Variants in NLK observed in about 807,000 individuals in gnomAD.
NLK encodes serine/threonine-protein kinase NLK.
A neutral mutation model predicts 59.0 loss-of-function variants in NLK; 11 were observed. The observed-to-expected ratio is 0.19, with a 90% CI of 0.12 to 0.31. The LOEUF is 0.31. NLK is among the 10% of genes least tolerant of loss of function. NLK has a pLI of 1.00. For missense variants in NLK, 410 were observed against 661.1 expected (o/e 0.62, Z 4.16); for synonymous variants, 235 against 235.9 (o/e 1.00, Z 0.03).
intron 1 of NLK, among the ~76,000 whole-genome samples, chr17:28,110,946 G>A (rs1905444307): frequency 6.6e-6 from 1 of 150,632 alleles, no homozygotes; most frequent in Non-Finnish European, 1.5e-5. Context: ...CCGGGTTCAC[G>A]CCATTCTCCT....
chr17:28,185,948 T>C (rs1909100274), intron 8 of NLK, among the ~76,000 whole-genome samples: 1 of 152,220 alleles, frequency 6.6e-6, no homozygotes. Context: ...ATACCCTTTC[T>C]GGACTTGACT....
intron 1 of NLK, among the ~76,000 whole-genome samples, chr17:28,060,789 A>G (rs913149784): frequency 4.6e-5 from 7 of 152,244 alleles, no homozygotes; most frequent in Admixed American, 6.5e-5. Context: ...AAACACACAC[A>G]CACTCAAATT....
chr17:28,129,236 C>T (rs746163927), intron 2 of NLK, among the ~76,000 whole-genome samples: 27 of 152,066 alleles, frequency 1.8e-4, no homozygotes, highest in African/African-American at 2.7e-4. Context: ...GGGTGGATCA[C>T]GAGGTCAGGA....
intron 2 of NLK, among the ~76,000 whole-genome samples, chr17:28,128,077 A>C (rs1296504253): frequency 1.3e-5 from 2 of 152,230 alleles, no homozygotes; most frequent in Non-Finnish European, 2.9e-5. Flanking sequence ...TAAAAAAATT[A>C]ACCTTAGCCA....
In NLK at chr17:28,191,042, G is replaced by A. The variant is rs1909288952; in HGVS notation, c.1258G>A (p.Asp420Asn). ...TCAGTCCAAAAGAATATCCGCTAAG[G>A]ATGCCTTAGCCCACCCCTACCTAGA... ...FDPSKRISAK[D>N]ALAHPYLDEG... Residue 420 changes from aspartate (D) to asparagine (N), a missense_variant, in exon 9 of 11, where the codon GAT (aspartate) becomes AAT (asparagine). Asp to Asn is a conservative substitution (Grantham distance 23). This residue lies in a region of NLK where 150 missense variants were observed against 244.3 expected (regional missense o/e 0.61). Coordinates refer to ENST00000407008, the MANE Select transcript of NLK (RefSeq NM_016231.5). 3 of 1,603,360 alleles carry A rather than the reference G, an allele frequency of 1.9e-6. No individual in the cohort carries two copies. The highest frequency in any genetic ancestry group is 2.2e-5 in the South Asian group (2 of 89,108).
chr17:28,119,232 C>T (rs1387912880), intron 1 of NLK, among the ~76,000 whole-genome samples: 1 of 152,194 alleles, frequency 6.6e-6, no homozygotes, highest in Non-Finnish European at 1.5e-5. Flanking sequence ...GCATCTGCTA[C>T]CTCAAGTTAA....
At chr17:28,070,231 G>C (rs926299522) in intron 1 of NLK, among the ~76,000 whole-genome samples, 1 of 150,664 alleles carries the variant, frequency 6.6e-6, no homozygotes, top group African/African-American at 2.4e-5. Context: ...GCAAGACTGT[G>C]TCTCAAAAAA....
chr17:28,043,514 G>A (rs1484193435), intron 1 of NLK, among the ~76,000 whole-genome samples, 183 bp downstream of exon 1: 1 of 152,224 alleles, frequency 6.6e-6, no homozygotes, highest in Non-Finnish European at 1.5e-5. Context: ...CTAGGCTCAT[G>A]GCAAGTTTTG....
At chr17:28,084,836 A>G (rs528724964) in intron 1 of NLK, among the ~76,000 whole-genome samples, 60 of 152,328 alleles carry the variant, frequency 3.9e-4, no homozygotes, top group Middle Eastern at 3.4e-3. Context: ...TGCTGGGATT[A>G]CAGGCGTGAG....
downstream of NLK, among the ~76,000 whole-genome samples, chr17:28,199,574 G>C (rs1909570495): frequency 6.7e-6 from 1 of 148,980 alleles, no homozygotes; most frequent in Non-Finnish European, 1.5e-5. Flanking sequence ...ACTGCGGCAG[G>C]AGAATCACTT....
intron 1 of NLK, among the ~76,000 whole-genome samples, chr17:28,098,675 CTTTTT>C (rs781294029): frequency 5.9e-5 from 4 of 67,566 alleles, no homozygotes; most frequent in Non-Finnish European, 8.6e-5. Context: ...CATTACCATT[CTTTTT>C]TTTTTTTTTT....
chr17:28,196,437 T>C (rs1174756896), downstream of NLK: 2 of 152,688 alleles, frequency 1.3e-5, no homozygotes, highest in African/African-American at 4.8e-5. Context: ...TCAGTACAGC[T>C]CGTATCCTGA....
chr17:28,072,363 T>G (rs1910036208), intron 1 of NLK, among the ~76,000 whole-genome samples: 1 of 150,500 alleles, frequency 6.6e-6, no homozygotes, highest in Non-Finnish European at 1.5e-5. Context: ...TTTTGCTTGG[T>G]CACCCAGGCT....
At chr17:28,117,636 T>G (rs1459578907) in intron 1 of NLK, among the ~76,000 whole-genome samples, 1 of 152,222 alleles carries the variant, frequency 6.6e-6, no homozygotes, top group Non-Finnish European at 1.5e-5. Flanking sequence ...ATGAACTGTT[T>G]CTCAGCCTTG....
In NLK at chr17:28,140,761, A is replaced by AC. The variant is rs1482978229; in HGVS notation, c.644+8086_644+8087insC. On this transcript the variant is annotated intron_variant, in intron 3 of 10. Transcript: ENST00000407008. ...AAATTGTCTTATGGATAAAAAAAAAAAACCTGCCCTGGACTCCTTCTCTAC... is the reference window on the plus strand; with the variant it reads ...AAATTGTCTTATGGATAAAAAAAAAACAACCTGCCCTGGACTCCTTCTCTAC... Among the ~76,000 whole-genome samples the AC allele has an allele frequency of 2.6e-5, 4 of 151,904 alleles. No individual in the cohort carries two copies. The East Asian group carries it at 7.7e-4, about 29-fold the overall frequency.
chr17:28,162,313 C>A (rs1013708884), intron 4 of NLK, among the ~76,000 whole-genome samples: 9 of 152,170 alleles, frequency 5.9e-5, no homozygotes, highest in African/African-American at 2.2e-4. Context: ...CTGCGCCCAG[C>A]CACATAAGCA....
At chr17:28,183,172 T>A (rs1280019473) in intron 7 of NLK, among the ~76,000 whole-genome samples, 1 of 152,204 alleles carries the variant, frequency 6.6e-6, no homozygotes, top group African/African-American at 2.4e-5. Context: ...CAAGACTCCA[T>A]TTCTTTAAGA....
At position 28,158,909 on chromosome 17, in the gene NLK, C is replaced by T. The variant is rs932663867; in HGVS notation, c.645-2251C>T. Among the ~76,000 whole-genome samples the T allele has an allele frequency of 2.0e-5, 3 of 152,184 alleles. No homozygotes were observed. In the East Asian group the frequency reaches 5.8e-4, roughly 29 times the overall value. On this transcript the variant is annotated intron_variant, in intron 3 of 10. Transcript: ENST00000407008. ...GTTTAGTCACCAAGACACCCCTAGG[C>T]AATACAATAGGAATTTTCAGCACTG...
At chr17:28,067,301 T>A (rs1445688612) in intron 1 of NLK, among the ~76,000 whole-genome samples, 1 of 152,200 alleles carries the variant, frequency 6.6e-6, no homozygotes, top group Non-Finnish European at 1.5e-5. Flanking sequence ...ACCTTTATTT[T>A]TATTTTTATG....
Sources: gnomAD v4.1 joint callset for allele counts (sites outside exome capture counted in the v4.1 genomes callset) on GRCh38, gnomAD v4.1.1 for gene constraint, gnomAD v4.1.1 regional missense constraint, MANE v1.5 for transcripts, NCBI Gene and HGNC (gene_info 2026-07-23, HGNC 2026-07-21) for gene names.